Variants in TPPP observed in about 807,000 individuals in gnomAD.
TPPP encodes the protein tubulin polymerization-promoting protein.
In TPPP, 6 loss-of-function variants were observed where a neutral mutation model predicts 15.5. The observed-to-expected ratio is 0.39, with a 90% CI of 0.21 to 0.77. The LOEUF (loss-of-function observed/expected upper bound fraction) is 0.77, where lower values mean the gene tolerates loss of function less well. Among genes scored for constraint, TPPP ranks in the 30% least tolerant of loss-of-function variants. The pLI is 0.42. For synonymous variants in TPPP, 146 were observed against 133.9 expected, an observed-to-expected ratio of 1.09 and a Z score of -0.63; for missense variants, 269 against 307.2, an observed-to-expected ratio of 0.88 and a Z score of 0.93.
At chr5:667,321 A>G (rs896167066) in intron 2 of TPPP, among the ~76,000 whole-genome samples, 44 of 151,682 alleles carry the variant, frequency 2.9e-4, no homozygotes, top group South Asian at 1.0e-3. Context: ...GCCAGAGAGA[A>G]AGGACTGTTT....
In TPPP at chr5:677,765, A is replaced by G; in HGVS notation, c.296T>C (p.Val99Ala). 3 of 1,571,286 alleles carry G rather than the reference A, an allele frequency of 1.9e-6. No individual in the cohort carries two copies. Among genetic ancestry groups the G allele is most frequent in the Non-Finnish European group, 2.6e-6 (3 of 1,155,638 alleles). The change falls in exon 2 of 4, where the codon GTC becomes GCC. Residue 99 changes from valine to alanine, a missense_variant. Physicochemically the swap from Val to Ala is moderately conservative, Grantham distance 64. Transcript: ENST00000360578. ...RNVTVTDVDIVFSKIKGKSCR... is the reference protein window; with the variant it reads ...RNVTVTDVDIAFSKIKGKSCR... ...GCGCACTCACTTGATCTTGCTGAAG[A>G]CGATGTCCACGTCAGTGACGGTCAC... is the stretch of plus-strand genomic sequence containing the variant.
chr5:679,398 G>T (rs1166670606), intron 1 of TPPP, among the ~76,000 whole-genome samples: 3 of 114,894 alleles, frequency 2.6e-5, no homozygotes, highest in Non-Finnish European at 5.6e-5. Flanking sequence ...GGGCCGCGTG[G>T]GGGCAGGATC....
rs1453139222 is a variant in TPPP at position 672,287 on chromosome 5, TCA to T, written c.311+5461_311+5462del. Reference sequence around the variant, plus strand: ...CCCAGGGAGCCTGGCCCTGCTGTTCTCAGTCTCCCACTGGCCCTGGCTTCCTT... The same window carrying T: ...CCCAGGGAGCCTGGCCCTGCTGTTCTGTCTCCCACTGGCCCTGGCTTCCTT... On this transcript the variant is annotated intron_variant, in intron 2 of 3. Transcript: ENST00000360578. Among the ~76,000 whole-genome samples the T allele has an allele frequency of 2.0e-5, 3 of 151,308 alleles. No homozygotes were observed. In the East Asian group the frequency reaches 5.8e-4, roughly 29 times the overall value.
rs552307413 is a variant in TPPP at position 677,560 on chromosome 5, C to T, written c.311+190G>A. ...ACCGAGAAGTCCGGCAATGCCCGGA[C>T]CCCTGCTCCCTGGGGGCCCAGATGG... On this transcript the variant is annotated intron_variant, in intron 2 of 3. Transcript: ENST00000360578. Among the ~76,000 whole-genome samples, 209 of 152,286 alleles carry T rather than the reference C, an allele frequency of 1.4e-3. 1 individual carries two copies. Among genetic ancestry groups the T allele is most frequent in the African/African-American group, 4.7e-3 (196 of 41,564 alleles).
chr5:671,964 C>CTT (rs1740239058), intron 2 of TPPP, among the ~76,000 whole-genome samples: 1 of 152,230 alleles, frequency 6.6e-6, no homozygotes, highest in Non-Finnish European at 1.5e-5. Flanking sequence ...TCCAGGGAAG[C>CTT]TGACACCTGC....
In TPPP at chr5:662,974, T is replaced by G. The variant is rs1209028666; in HGVS notation, c.*2128A>C. On this transcript the variant is annotated 3_prime_UTR_variant, in exon 4 of 4. Coordinates refer to ENST00000360578, the MANE Select transcript of TPPP (RefSeq NM_007030.3). ...TGACTGCTCGTCTGTGATCGGGTGA[T>G]TCCGATGACTGCTCGTCTGTGATCG... 19 of 134,244 alleles carry G rather than the reference T, an allele frequency of 1.4e-4. No homozygotes were observed. In the East Asian group the frequency reaches 3.1e-3, roughly 22 times the overall value. The allele number at this position is 134,244 out of a possible 1,614,324, so 8.3% of individuals were successfully genotyped here.
chr5:674,380 AG>A (rs1740332245), intron 2 of TPPP, among the ~76,000 whole-genome samples: 1 of 152,130 alleles, frequency 6.6e-6, no homozygotes, highest in African/African-American at 2.4e-5. Flanking sequence ...AGCCAAGGGG[AG>A]GAGCTGCCCT....
At chr5:676,113 A>C (rs1404570477) in intron 2 of TPPP, 1 of 152,230 alleles carries the variant, frequency 6.6e-6, no homozygotes, top group East Asian at 1.9e-4. Context: ...CCTGCAAGGC[A>C]GTCAGCTGGA....
In TPPP at chr5:666,021, G is replaced by A. The variant is rs370221297; in HGVS notation, c.414C>T (p.Arg138=). ...FKDKSSEEAV[R]EVHRLIEGKA... ...TGCCCTCGATGAGCCTGTGCACCTC[G>A]CGAACGGCCTCCTCGCTGCTCTTGT... Residue 138 remains arginine (R), a synonymous_variant, in exon 3 of 4, where the codon CGC becomes CGT. Coordinates refer to ENST00000360578, the MANE Select transcript of TPPP (RefSeq NM_007030.3). The A allele has an allele frequency of 8.8e-6, 14 of 1,592,670 alleles. No homozygotes were observed. The African/African-American group carries it at 1.2e-4, about 14-fold the overall frequency.
In TPPP at chr5:666,194, G is replaced by C. The variant is rs1032603820; in HGVS notation, c.312-71C>G. On this transcript the variant is annotated intron_variant, in intron 2 of 3. Coordinates refer to ENST00000360578, the MANE Select transcript of TPPP (RefSeq NM_007030.3). ...GGCTGCCCTCCCCACGCGTGGGTCT[G>C]AGCAGAGCTGGACAGCCATGGCCCA... The C allele has an allele frequency of 3.0e-5, 46 of 1,551,850 alleles. 1 individual carries two copies. Among genetic ancestry groups the C allele is most frequent in the Admixed American group, 2.1e-4 (12 of 55,832 alleles).
intron 1 of TPPP, among the ~76,000 whole-genome samples, chr5:685,530 C>T (rs566811062): frequency 2.0e-5 from 3 of 152,336 alleles, no homozygotes; most frequent in African/African-American, 7.2e-5. Flanking sequence ...AGGGGCCCTG[C>T]ACAAGGAGCC....
intron 2 of TPPP, among the ~76,000 whole-genome samples, chr5:676,855 G>A (rs1326269405): frequency 6.5e-4 from 90 of 138,016 alleles, no homozygotes; most frequent in African/African-American, 2.7e-3. Context: ...ACACAGAAAC[G>A]CGCACACACG....
chr5:692,888 G>C, intron 1 of TPPP: 2 of 945,922 alleles, frequency 2.1e-6, no homozygotes, highest in Non-Finnish European at 2.5e-6. Context: ...CCCTAGGCCT[G>C]GGAATAGGGA....
intron 2 of TPPP, among the ~76,000 whole-genome samples, chr5:675,461 CA>C (rs1561087236): frequency 1.2e-4 from 2 of 16,716 alleles, no homozygotes; most frequent in Non-Finnish European, 9.6e-5. Context: ...TGGGGTGCAG[CA>C]CAGGGGGTGC....
Position 664,909 on chromosome 5 carries a change from T to G in TPPP, c.*193A>C. ...TCAGCGAACTGGGGCCCAAACCTGG[T>G]TTGAGAGGGGAGTGCTGGGGGCATC... is the stretch of plus-strand genomic sequence containing the variant. On this transcript the variant is annotated 3_prime_UTR_variant, in exon 4 of 4. Coordinates refer to ENST00000360578, the MANE Select transcript of TPPP (RefSeq NM_007030.3). 3.3e-6 allele frequency: 2 copies of G among 611,994 alleles called. No individual in the cohort carries two copies. Among genetic ancestry groups the G allele is most frequent in the Non-Finnish European group, 5.6e-6 (2 of 354,720 alleles). The allele number at this position is 611,994 out of a possible 1,614,324, so 37.9% of individuals were successfully genotyped here. A position where few individuals can be genotyped will look rare whatever the true frequency, so the allele number is the denominator to read the frequency against.
chr5:676,923 AACGC>A (rs1740462221), intron 2 of TPPP, among the ~76,000 whole-genome samples: 1 of 145,360 alleles, frequency 6.9e-6, no homozygotes, highest in Non-Finnish European at 1.5e-5. Flanking sequence ...ACGACGCAGA[AACGC>A]ACGCGCGCAC....
In TPPP at chr5:664,003, G is replaced by A. The variant is rs1348328781; in HGVS notation, c.*1099C>T. The A allele has an allele frequency of 2.0e-5, 3 of 152,596 alleles. No homozygotes were observed. The highest frequency in any genetic ancestry group is 4.4e-5 in the Non-Finnish European group (3 of 68,320). 9.5% of individuals were successfully genotyped at this position (152,596 alleles called of 1,614,324 possible). A position where few individuals can be genotyped will look rare whatever the true frequency, so the allele number is the denominator to read the frequency against. ...TGTCCTGGCAGTGTGGAGTGTCCTG[G>A]ATGGGCTCTGCTCAGCCCCCTGCTG... On this transcript the variant is annotated 3_prime_UTR_variant, in exon 4 of 4. Coordinates refer to ENST00000360578, the MANE Select transcript of TPPP (RefSeq NM_007030.3).
At chr5:677,655 C>T in intron 2 of TPPP, 95 bp downstream of exon 2, 5 of 1,224,514 alleles carry the variant, frequency 4.1e-6, no homozygotes, top group Non-Finnish European at 5.6e-6. Flanking sequence ...CCCCTCCACT[C>T]CCCATGGCCC....
chr5:680,895 A>T (rs567822040), intron 1 of TPPP, among the ~76,000 whole-genome samples: 31 of 152,384 alleles, frequency 2.0e-4, no homozygotes, highest in African/African-American at 7.0e-4. Context: ...GTGGGAAGTC[A>T]GCCAGGCTGC....
Sources: gnomAD v4.1 joint callset for allele counts (sites outside exome capture counted in the v4.1 genomes callset) on GRCh38, gnomAD v4.1.1 for gene constraint, MANE v1.5 for transcripts, NCBI Gene and HGNC (gene_info 2026-07-23, HGNC 2026-07-21) for gene names.